LGI1: variants seen among roughly 807,000 people sequenced by gnomAD.
The protein encoded by LGI1 is leucine rich glioma inactivated 1, also known as leucine-rich glioma-inactivated protein 1.
In LGI1, 11 loss-of-function variants were observed where a neutral mutation model predicts 57.7. That is an observed-to-expected ratio of 0.19 (90% CI 0.12 to 0.32). The LOEUF is 0.32. LGI1 is among the 10% of genes least tolerant of loss of function. The pLI is 1.00. For synonymous variants in LGI1, 222 were observed against 241.9 expected, an observed-to-expected ratio of 0.92 and a Z score of 0.76; for missense variants, 422 against 661.9, an observed-to-expected ratio of 0.64 and a Z score of 3.98.
At chr10:93,774,447 C>T (rs1224274773) in intron 2 of LGI1, among the ~76,000 whole-genome samples, 2 of 152,200 alleles carry the variant, frequency 1.3e-5, no homozygotes, top group East Asian at 1.9e-4. Context: ...CACAATTCTA[C>T]ACTCTCCTAA....
At chr10:93,760,584 C>G (rs566341359) in intron 2 of LGI1, among the ~76,000 whole-genome samples, 2 of 152,310 alleles carry the variant, frequency 1.3e-5, no homozygotes, top group African/African-American at 4.8e-5. Context: ...CACAGAAAGC[C>G]TGGAGTGATT....
At chr10:93,763,806 C>T (rs999626875) in intron 2 of LGI1, 9 of 152,166 alleles carry the variant, frequency 5.9e-5, no homozygotes, top group East Asian at 3.8e-4. Flanking sequence ...TTGTGTCCCA[C>T]GCTGACTTCA....
chr10:93,789,183 A>T (rs200949222), intron 4 of LGI1: 1 of 13,894 alleles, frequency 7.2e-5, no homozygotes, highest in Non-Finnish European at 0.014. Flanking sequence ...CTGTGATCAC[A>T]GGAAAAGAAC....
chr10:93,794,362 CTTTTT>C (rs71031540), intron 7 of LGI1, among the ~76,000 whole-genome samples: 1 of 101,196 alleles, frequency 9.9e-6, no homozygotes, highest in Non-Finnish European at 1.8e-5. Flanking sequence ...CTGGATCTCT[CTTTTT>C]TTTTTTTTTT....
intron 2 of LGI1, among the ~76,000 whole-genome samples, chr10:93,774,121 T>C (rs2059769047): frequency 6.6e-6 from 1 of 152,140 alleles, no homozygotes; most frequent in East Asian, 1.9e-4. Flanking sequence ...CCAGGCAGAC[T>C]TGCTGCAAGG....
chr10:93,769,378 C>G (rs1274490284), intron 2 of LGI1: 1 of 152,172 alleles, frequency 6.6e-6, no homozygotes, highest in African/African-American at 2.4e-5. Flanking sequence ...CTGTCCGTGT[C>G]CTACCTAATA....
At chr10:93,777,799 T>G (rs1440094733) in intron 4 of LGI1, among the ~76,000 whole-genome samples, 182 bp downstream of exon 4, 2 of 152,228 alleles carry the variant, frequency 1.3e-5, no homozygotes, top group Non-Finnish European at 2.9e-5. Context: ...ATAAATTGAT[T>G]ACTATTAATA....
Position 93,758,592 on chromosome 10 carries a change from G to C in LGI1, c.216-168G>C. 2.9e-6 allele frequency: 2 copies of C among 690,392 alleles called. No homozygotes were observed. The highest frequency in any genetic ancestry group is 5.0e-6 in the Non-Finnish European group (2 of 398,242). The allele number at this position is 690,392 out of a possible 1,614,324, so 42.8% of individuals were successfully genotyped here. A position where few individuals can be genotyped will look rare whatever the true frequency, so the allele number is the denominator to read the frequency against. On this transcript the variant is annotated intron_variant, in intron 1 of 7. Coordinates refer to ENST00000371418, the MANE Select transcript of LGI1 (RefSeq NM_005097.4). This position sits in a 1 kb window ranked among gnomAD's most constrained non-coding sequence, Gnocchi z 4.7. ...ACATTATCATGAGAAACCTGTAGCC[G>C]ATTCATTTCTCTTACTTCATCTGGG...
intron 4 of LGI1, among the ~76,000 whole-genome samples, chr10:93,784,346 T>C (rs2059878203): frequency 6.6e-6 from 1 of 152,208 alleles, no homozygotes; most frequent in African/African-American, 2.4e-5. Flanking sequence ...ATCTATTAAT[T>C]TTAAAGATGA....
chr10:93,794,086 T>C (rs1453681857), intron 7 of LGI1: 1 of 141,688 alleles, frequency 7.1e-6, no homozygotes, highest in Non-Finnish European at 1.5e-5. Flanking sequence ...TGGCACAATC[T>C]CAGCTCACTG....
chr10:93,778,398 TAC>T (rs1462450472), intron 4 of LGI1, among the ~76,000 whole-genome samples: 4 of 149,874 alleles, frequency 2.7e-5, no homozygotes, highest in Admixed American at 6.7e-5. Flanking sequence ...CACATGTGCA[TAC>T]ACACACACAC....
At chr10:93,790,417 G>A (rs1249651613) in intron 5 of LGI1, 4 of 487,022 alleles carry the variant, frequency 8.2e-6, no homozygotes, top group East Asian at 3.5e-5. Context: ...GTGTCAATAC[G>A]GCAGGGAGCG....
At chr10:93,777,695 A>C (rs2059806649) in intron 4 of LGI1, 78 bp downstream of exon 4, 1 of 1,095,206 alleles carries the variant, frequency 9.1e-7, no homozygotes, top group South Asian at 1.3e-5. Context: ...TAATGCACCT[A>C]CTTTATGAGT....
At chr10:93,785,305 T>C (rs1382350291) in intron 4 of LGI1, among the ~76,000 whole-genome samples, 1 of 152,192 alleles carries the variant, frequency 6.6e-6, no homozygotes, top group African/African-American at 2.4e-5. Context: ...CACATAAGGT[T>C]TAAAAATTCA....
chr10:93,767,466 A>T (rs2059691098), intron 2 of LGI1: 1 of 152,214 alleles, frequency 6.6e-6, no homozygotes, highest in Admixed American at 6.5e-5. Context: ...AAATTGTTTC[A>T]CTTTTCTTAA....
chr10:93,792,675 G>T, intron 5 of LGI1, 68 bp from the exon 6 acceptor site: 2 of 1,486,944 alleles, frequency 1.3e-6, no homozygotes, highest in Non-Finnish European at 1.9e-6. Flanking sequence ...GTTAATTGTT[G>T]ATGTAGAACT....
Position 93,797,958 on chromosome 10 carries a change from A to G in LGI1, c.*155A>G, listed in dbSNP as rs1422412045. 7 of 697,272 alleles carry G rather than the reference A, an allele frequency of 1.0e-5. No individual in the cohort carries two copies. The allele number at this position is 697,272 out of a possible 1,614,324, so 43.2% of individuals were successfully genotyped here. On this transcript the variant is annotated 3_prime_UTR_variant, in exon 8 of 8. Coordinates refer to ENST00000371418, the MANE Select transcript of LGI1 (RefSeq NM_005097.4). The surrounding 1 kb of genome is among the most constrained non-coding windows in gnomAD (Gnocchi z 6.5). ...AGCACTACCAGTATCTCCATCCTTA[A>G]CTGTCCAGTCCAGTGATGTGGGAAG...
At chr10:93,768,325 C>T (rs1421207681) in intron 2 of LGI1, 1 of 152,222 alleles carries the variant, frequency 6.6e-6, no homozygotes, top group Non-Finnish European at 1.5e-5. Flanking sequence ...AAGCCTGAGC[C>T]TGGAATCCCA....
intron 2 of LGI1, chr10:93,764,402 C>G (rs1054381580): frequency 2.6e-5 from 4 of 152,116 alleles, no homozygotes; most frequent in Non-Finnish European, 4.4e-5. Flanking sequence ...ATAAGGTAGT[C>G]TTGATAAGCA....
Sources: allele counts gnomAD v4.1 joint callset (sites outside exome capture counted in the v4.1 genomes callset), GRCh38; gene constraint gnomAD v4.1.1; non-coding constraint Gnocchi (gnomAD v3.1); transcripts MANE v1.5; gene names NCBI Gene and HGNC (gene_info 2026-07-23, HGNC 2026-07-21).